The following SNX7 variants were observed in gnomAD, a reference collection of about 807,000 sequenced individuals.
SNX7 encodes sorting nexin 7.
SNX7 carries 35 observed loss-of-function variants against 48.4 expected under a neutral mutation model. That is an observed-to-expected ratio of 0.72 (90% CI 0.55 to 0.96). The LOEUF is 0.96. SNX7 is among the 40% of genes least tolerant of loss of function. SNX7 has a pLI of 0.00. For synonymous variants in SNX7, 190 were observed against 190.2 expected (o/e 1.00, Z 0.01); for missense variants, 553 against 548.9 (o/e 1.01, Z -0.07).
intron 7 of SNX7, among the ~76,000 whole-genome samples, chr1:98,711,348 C>T (rs1322860227): frequency 6.6e-6 from 1 of 152,108 alleles, no homozygotes; most frequent in South Asian, 2.1e-4. Flanking sequence ...ATTGTATTCC[C>T]ACCAAATAGA....
upstream of SNX7, among the ~76,000 whole-genome samples, chr1:98,661,335 G>T (rs1241338256): frequency 1.3e-5 from 2 of 150,764 alleles, no homozygotes; most frequent in African/African-American, 4.9e-5. Flanking sequence ...TTCCAGCCTC[G>T]CTGTGGATCC....
At chr1:98,679,876 T>G (rs1343523339) in intron 1 of SNX7, among the ~76,000 whole-genome samples, 4 of 152,190 alleles carry the variant, frequency 2.6e-5, no homozygotes, top group Non-Finnish European at 5.9e-5. Context: ...CTGTGGCTTT[T>G]CCAGAGGCAC....
chr1:98,740,759 A>G (rs1654031807), intron 8 of SNX7, among the ~76,000 whole-genome samples: 1 of 152,196 alleles, frequency 6.6e-6, no homozygotes, highest in Non-Finnish European at 1.5e-5. Flanking sequence ...AGCAGTTTCT[A>G]TCAGTGTGTG....
At chr1:98,689,787 C>T (rs927472838) in intron 2 of SNX7, among the ~76,000 whole-genome samples, 1 of 152,168 alleles carries the variant, frequency 6.6e-6, no homozygotes, top group African/African-American at 2.4e-5. Flanking sequence ...TGGACATACA[C>T]TGACCAGTCT....
At chr1:98,688,602 G>A (rs1205144562) in intron 2 of SNX7, among the ~76,000 whole-genome samples, 1 of 152,094 alleles carries the variant, frequency 6.6e-6, no homozygotes, top group Non-Finnish European at 1.5e-5. Context: ...AATGAGTTTA[G>A]AATAACTGTT....
chr1:98,729,036 T>C (rs1653346878), intron 7 of SNX7, among the ~76,000 whole-genome samples: 1 of 152,136 alleles, frequency 6.6e-6, no homozygotes, highest in Non-Finnish European at 1.5e-5. Flanking sequence ...ATCGATCACA[T>C]AATTGGAAGT....
intron 7 of SNX7, among the ~76,000 whole-genome samples, chr1:98,715,718 G>A (rs367710314): frequency 7.2e-5 from 11 of 152,190 alleles, no homozygotes; most frequent in Admixed American, 2.0e-4. Context: ...ACAACAAAAC[G>A]TTCTGACTCT....
At chr1:98,716,482 A>G (rs767504848) in intron 7 of SNX7, among the ~76,000 whole-genome samples, 5 of 152,206 alleles carry the variant, frequency 3.3e-5, no homozygotes, top group African/African-American at 1.2e-4. Context: ...GAAAAGAGAA[A>G]GGAAGAGTTT....
intron 7 of SNX7, among the ~76,000 whole-genome samples, chr1:98,705,449 T>A (rs577139228): frequency 6.5e-4 from 99 of 152,328 alleles, no homozygotes; most frequent in South Asian, 2.7e-3. Flanking sequence ...ACCTTTCTAA[T>A]AGGCTTGTTT....
intron 2 of SNX7, among the ~76,000 whole-genome samples, chr1:98,687,485 G>A (rs1051257635): frequency 1.3e-5 from 2 of 151,876 alleles, no homozygotes; most frequent in Admixed American, 6.6e-5. Context: ...TTATCAAATA[G>A]TCTTTTCTTA....
intron 8 of SNX7, among the ~76,000 whole-genome samples, chr1:98,751,263 A>G (rs1654564890): frequency 6.6e-6 from 1 of 152,052 alleles, no homozygotes; most frequent in Admixed American, 6.6e-5. Context: ...CTACCCACTT[A>G]TGAGAGCCGA....
intron 8 of SNX7, 76 bp downstream of exon 8, chr1:98,738,465 G>A (rs991838788): frequency 2.8e-6 from 4 of 1,422,660 alleles, no homozygotes; most frequent in Non-Finnish European, 2.9e-6. Flanking sequence ...AATGTTGAAA[G>A]AGTGTATTAA....
At chr1:98,737,223 C>T (rs992796454) in intron 7 of SNX7, among the ~76,000 whole-genome samples, 1 of 152,134 alleles carries the variant, frequency 6.6e-6, no homozygotes, top group Non-Finnish European at 1.5e-5. Context: ...TTCATTCTCA[C>T]ATCTACTTCA....
At chr1:98,665,420 G>C (rs1649484829) in intron 1 of SNX7, among the ~76,000 whole-genome samples, 2 of 152,010 alleles carry the variant, frequency 1.3e-5, no homozygotes, top group Admixed American at 1.3e-4. Context: ...GAATTATTTA[G>C]TATGTTGTTT....
chr1:98,732,253 C>T (rs1467768589), intron 7 of SNX7, among the ~76,000 whole-genome samples: 2 of 152,010 alleles, frequency 1.3e-5, no homozygotes, highest in East Asian at 3.9e-4. Context: ...TTTATTTTGC[C>T]AAGGTTAGGG....
At chr1:98,713,094 G>GAAAAAAAAA (rs56653679) in intron 7 of SNX7, among the ~76,000 whole-genome samples, 4 of 129,852 alleles carry the variant, frequency 3.1e-5, no homozygotes, top group Non-Finnish European at 4.8e-5. Context: ...TCTGTCTCAG[G>GAAAAAAAAA]AAAAAAAAAA....
chr1:98,705,337 T>A (rs1297580527), intron 7 of SNX7, among the ~76,000 whole-genome samples: 1 of 152,126 alleles, frequency 6.6e-6, no homozygotes, highest in African/African-American at 2.4e-5. Context: ...AAATCAAAGA[T>A]CAAATCCTAG....
intron 4 of SNX7, among the ~76,000 whole-genome samples, chr1:98,694,182 A>T (rs968841750): frequency 1.2e-4 from 18 of 151,700 alleles, no homozygotes; most frequent in Non-Finnish European, 2.2e-4. Context: ...CATCTTGGCT[A>T]ACACGGTGAA....
At chr1:98,665,298 C>G (rs1014601796) in intron 1 of SNX7, among the ~76,000 whole-genome samples, 20 of 151,964 alleles carry the variant, frequency 1.3e-4, no homozygotes, top group African/African-American at 4.4e-4. Flanking sequence ...AATAATGGTT[C>G]CCTGAAACTA....
Sources: allele counts gnomAD v4.1 joint callset (sites outside exome capture counted in the v4.1 genomes callset), GRCh38; gene constraint gnomAD v4.1.1; transcripts MANE v1.5; gene names NCBI Gene and HGNC (gene_info 2026-07-23, HGNC 2026-07-21).